ANKRD31: variants seen among roughly 807,000 people sequenced by gnomAD.
ANKRD31 encodes the protein ankyrin repeat domain 31, also known as ankyrin repeat domain-containing protein 31.
A neutral mutation model predicts 186.0 loss-of-function variants in ANKRD31; 147 were observed. The observed-to-expected ratio is 0.79, with a 90% CI of 0.69 to 0.91. The LOEUF is 0.91. Ranked by LOEUF, ANKRD31 falls within the 40% of genes least tolerant of loss-of-function variation. ANKRD31 has a pLI of 0.00. For synonymous variants in ANKRD31, 673 were observed against 736.4 expected, an observed-to-expected ratio of 0.91 and a Z score of 1.39; for missense variants, 1,986 against 2,148.8, an observed-to-expected ratio of 0.92 and a Z score of 1.50.
intron 11 of ANKRD31, among the ~76,000 whole-genome samples, chr5:75,160,695 C>T (rs1752514902): frequency 6.6e-6 from 1 of 152,132 alleles, no homozygotes; most frequent in Non-Finnish European, 1.5e-5. Flanking sequence ...TCTGTGTCCC[C>T]ACTCAAATCT....
intron 23 of ANKRD31, among the ~76,000 whole-genome samples, chr5:75,085,497 A>G (rs906552294): frequency 4.0e-5 from 6 of 151,840 alleles, no homozygotes; most frequent in African/African-American, 1.5e-4. Context: ...TCAGCCTCCC[A>G]TGCCTCAGCC....
chr5:75,097,173 C>T (rs543120195), intron 22 of ANKRD31, among the ~76,000 whole-genome samples: 2 of 152,174 alleles, frequency 1.3e-5, no homozygotes, highest in South Asian at 4.2e-4. Context: ...GGGCATATAC[C>T]CAGTAATGGG....
intron 17 of ANKRD31, among the ~76,000 whole-genome samples, chr5:75,133,796 G>A (rs28793663): frequency 2.6e-5 from 4 of 152,010 alleles, no homozygotes; most frequent in Admixed American, 6.6e-5. Flanking sequence ...ATAAAAGAAC[G>A]GAAATTATAA....
At chr5:75,189,044 AC>A (rs557237314) in intron 9 of ANKRD31, among the ~76,000 whole-genome samples, 132 of 152,304 alleles carry the variant, frequency 8.7e-4, no homozygotes, top group African/African-American at 2.6e-3. Flanking sequence ...ATGTTATATT[AC>A]CAAATGTCTT....
chr5:75,225,257 C>A (rs1757561700), intron 2 of ANKRD31, among the ~76,000 whole-genome samples: 1 of 152,074 alleles, frequency 6.6e-6, no homozygotes, highest in South Asian at 2.1e-4. Flanking sequence ...CATTAAGTAT[C>A]ATTAATTCAT....
At chr5:75,112,433 G>T in intron 20 of ANKRD31, 80 bp downstream of exon 20, 1 of 932,416 alleles carries the variant, frequency 1.1e-6, no homozygotes, top group Non-Finnish European at 1.5e-6. Flanking sequence ...GCCTTTGTGA[G>T]CTTTGAAATA....
intron 16 of ANKRD31, 105 bp downstream of exon 16, chr5:75,138,741 C>G: frequency 8.8e-7 from 1 of 1,142,600 alleles, no homozygotes; most frequent in African/African-American, 1.6e-5. Flanking sequence ...TCAAAGTTAT[C>G]ACTTACATAT....
chr5:75,223,417 T>C (rs1352951939), intron 2 of ANKRD31, among the ~76,000 whole-genome samples: 1 of 152,180 alleles, frequency 6.6e-6, no homozygotes, highest in South Asian at 2.1e-4. Flanking sequence ...CCTTTTTAAA[T>C]TCATTTTAGA....
chr5:75,094,728 A>G (rs775025563), intron 22 of ANKRD31, among the ~76,000 whole-genome samples: 10 of 152,182 alleles, frequency 6.6e-5, no homozygotes, highest in Non-Finnish European at 1.0e-4. Flanking sequence ...ACCTAGTCAA[A>G]AGGCAGAGAT....
At chr5:75,121,788 C>T (rs927139305) in intron 17 of ANKRD31, among the ~76,000 whole-genome samples, 1 of 152,000 alleles carries the variant, frequency 6.6e-6, no homozygotes, top group African/African-American at 2.4e-5. Flanking sequence ...TATACCAAAA[C>T]CTCTGGGATA....
At chr5:75,097,012 G>T (rs910134135) in intron 22 of ANKRD31, among the ~76,000 whole-genome samples, 1 of 152,116 alleles carries the variant, frequency 6.6e-6, no homozygotes, top group Non-Finnish European at 1.5e-5. Context: ...TGGCTGCATA[G>T]TATTCCATGG....
At chr5:75,136,520 G>A (rs911694605) in intron 17 of ANKRD31, among the ~76,000 whole-genome samples, 1 of 152,230 alleles carries the variant, frequency 6.6e-6, no homozygotes, top group Non-Finnish European at 1.5e-5. Context: ...AACAACAGGT[G>A]CTGGAGAGGG....
chr5:75,135,251 T>G (rs1484046045), intron 17 of ANKRD31, among the ~76,000 whole-genome samples: 1 of 152,240 alleles, frequency 6.6e-6, no homozygotes, highest in African/African-American at 2.4e-5. Context: ...ATGACATGAT[T>G]GTATATTTAG....
At chr5:75,179,061 G>A (rs1425801916) in intron 10 of ANKRD31, among the ~76,000 whole-genome samples, 41 of 152,116 alleles carry the variant, frequency 2.7e-4, no homozygotes, top group Admixed American at 9.8e-4. Context: ...TATCACCACC[G>A]ATCCCACAGA....
chr5:75,079,736 A>G (rs1377104718), intron 25 of ANKRD31, among the ~76,000 whole-genome samples: 1 of 152,144 alleles, frequency 6.6e-6, no homozygotes, highest in Non-Finnish European at 1.5e-5. Flanking sequence ...TTGGCCTCCC[A>G]AAGTGCTGGG....
chr5:75,091,302 C>T lies in ANKRD31; in HGVS notation c.5431G>A (p.Gly1811Arg). ...NPVTWLKDLLGGNSYVTWNYA... is the reference protein window; with the variant it reads ...NPVTWLKDLLRGNSYVTWNYA... ...TTCCAGGTCACATAACTGTTGCCTC[C>T]CAGAAGATCCTTGAGCCAGGTGACT... Residue 1811 changes from glycine to arginine, a missense_variant, in exon 23 of 26, where the codon GGA becomes AGA. Transcript: ENST00000506364. 1 of 1,537,036 alleles carries T rather than the reference C, an allele frequency of 6.5e-7. No individual in the cohort carries two copies. Among genetic ancestry groups the T allele is most frequent in the Non-Finnish European group, 8.7e-7 (1 of 1,146,830 alleles).
intron 23 of ANKRD31, among the ~76,000 whole-genome samples, chr5:75,088,349 T>G (rs960274771): frequency 1.3e-5 from 2 of 152,248 alleles, no homozygotes; most frequent in Non-Finnish European, 2.9e-5. Flanking sequence ...GAAGTATGTT[T>G]GCAGAAGAGA....
At chr5:75,138,097 C>A in intron 16 of ANKRD31, 99 bp from the exon 17 acceptor site, 1 of 985,448 alleles carries the variant, frequency 1.0e-6, no homozygotes, top group South Asian at 3.3e-5. Flanking sequence ...ATGCAATATC[C>A]ATATTGATTC....
intron 20 of ANKRD31, among the ~76,000 whole-genome samples, chr5:75,111,158 T>C (rs529014913): frequency 2.6e-5 from 4 of 151,748 alleles, no homozygotes; most frequent in Admixed American, 2.0e-4. Context: ...AACTATGTTT[T>C]TAAGAGTTTT....
Sources: allele counts gnomAD v4.1 joint callset (sites outside exome capture counted in the v4.1 genomes callset), GRCh38; gene constraint gnomAD v4.1.1; transcripts MANE v1.5; gene names NCBI Gene and HGNC (gene_info 2026-07-23, HGNC 2026-07-21).